ZNF90: variants seen among roughly 807,000 people sequenced by gnomAD.
ZNF90 encodes zinc finger protein HTF9.
Under a neutral mutation model 12.0 loss-of-function variants are expected in ZNF90, and 11 were observed. The observed-to-expected ratio is 0.92, with a 90% CI of 0.58 to 1.52. The LOEUF is 1.52. ZNF90 is among the 40% of genes most tolerant of loss of function. ZNF90 has a pLI of 0.00. For missense variants in ZNF90, 765 were observed against 711.5 expected (o/e 1.08, Z -0.86); for synonymous variants, 232 against 240.1 (o/e 0.97, Z 0.31).
intron 3 of ZNF90, among the ~76,000 whole-genome samples, chr19:20,110,436 G>A (rs781892732): frequency 5.3e-5 from 8 of 151,948 alleles, no homozygotes; most frequent in Admixed American, 1.3e-4. Flanking sequence ...CCACTACCAT[G>A]CCTAGCTGAT....
At chr19:20,115,487 T>G (rs1281337496) in intron 3 of ZNF90, among the ~76,000 whole-genome samples, 1 of 151,534 alleles carries the variant, frequency 6.6e-6, no homozygotes, top group Non-Finnish European at 1.5e-5. Context: ...TACAGATATT[T>G]TCTTAGTGGT....
chr19:20,109,794 T>C (rs1351164146), intron 3 of ZNF90, among the ~76,000 whole-genome samples: 3 of 151,922 alleles, frequency 2.0e-5, no homozygotes, highest in East Asian at 1.9e-4. Context: ...GGAGTCAAAA[T>C]TGTGCCTCTA....
At chr19:20,108,888 C>G (rs2089062663) in intron 3 of ZNF90, among the ~76,000 whole-genome samples, 2 of 151,766 alleles carry the variant, frequency 1.3e-5, no homozygotes, top group Admixed American at 1.3e-4. Context: ...CCACAACTGG[C>G]TAATTTTTGT....
intron 3 of ZNF90, chr19:20,107,147 A>G: frequency 2.6e-6 from 1 of 385,106 alleles, no homozygotes; most frequent in South Asian, 1.9e-5. Context: ...GGTAACTGAC[A>G]CTGAGTCATT....
intron 1 of ZNF90, among the ~76,000 whole-genome samples, chr19:20,078,947 T>C (rs75146148): frequency 2.6e-5 from 4 of 151,754 alleles, no homozygotes; most frequent in Non-Finnish European, 4.4e-5. Flanking sequence ...TGGTGAAACC[T>C]CTCTCTACTA....
Position 20,120,131 on chromosome 19 carries a change from C to CTT in ZNF90, c.*775_*776dup. On this transcript the variant is annotated 3_prime_UTR_variant, in exon 4 of 4. Transcript: ENST00000418063. ...TACAAGTGTGAAGAATGTGGGAAAA[C>CTT]TTTTTAATCAGTGCATACACCTTAT... 6.6e-6 allele frequency among the ~76,000 whole-genome samples: 1 copy of CTT among 152,246 alleles called. No homozygotes were observed. Among genetic ancestry groups the CTT allele is most frequent in the East Asian group, 1.9e-4 (1 of 5,186 alleles).
chr19:20,113,486 G>A (rs1425089880), intron 3 of ZNF90, among the ~76,000 whole-genome samples: 5 of 150,748 alleles, frequency 3.3e-5, no homozygotes, highest in Admixed American at 1.3e-4. Context: ...GCCACCGCAC[G>A]CAGCTTGTAA....
intron 1 of ZNF90, among the ~76,000 whole-genome samples, chr19:20,102,595 T>C (rs2088998418): frequency 6.6e-6 from 1 of 152,190 alleles, no homozygotes; most frequent in Admixed American, 6.5e-5. Flanking sequence ...TCTTTTTGAG[T>C]GCTCATTTTC....
At chr19:20,113,992 T>G (rs942289981) in intron 3 of ZNF90, among the ~76,000 whole-genome samples, 2 of 152,130 alleles carry the variant, frequency 1.3e-5, no homozygotes, top group Non-Finnish European at 2.9e-5. Context: ...ATAATAAAAT[T>G]TATAATAAAA....
At chr19:20,092,487 G>A (rs2088910390) in intron 1 of ZNF90, among the ~76,000 whole-genome samples, 1 of 152,210 alleles carries the variant, frequency 6.6e-6, no homozygotes, top group Admixed American at 6.5e-5. Flanking sequence ...GGGAGAGCTA[G>A]AATAGGGGCA....
chr19:20,092,938 A>G (rs1474210652), intron 1 of ZNF90, among the ~76,000 whole-genome samples: 3 of 152,216 alleles, frequency 2.0e-5, no homozygotes, highest in Non-Finnish European at 4.4e-5. Context: ...AGGAAAGTAG[A>G]TCATGAGAAA....
chr19:20,096,967 GTTTA>G (rs1555703339), intron 1 of ZNF90, among the ~76,000 whole-genome samples: 2 of 152,194 alleles, frequency 1.3e-5, no homozygotes, highest in Non-Finnish European at 2.9e-5. Flanking sequence ...GATGGGAAAT[GTTTA>G]TTTGTCATTG....
chr19:20,109,625 G>T (rs1436945171), intron 3 of ZNF90, among the ~76,000 whole-genome samples: 29 of 151,894 alleles, frequency 1.9e-4, no homozygotes, highest in Non-Finnish European at 4.4e-5. Context: ...TGTAATCCCA[G>T]GACTTCGGGA....
intron 1 of ZNF90, among the ~76,000 whole-genome samples, chr19:20,086,406 T>C (rs1555702060): frequency 6.6e-6 from 1 of 151,878 alleles, no homozygotes; most frequent in Non-Finnish European, 1.5e-5. Flanking sequence ...GTCTAAATTA[T>C]TGTATTTATA....
chr19:20,092,488 A>T (rs1275860348), intron 1 of ZNF90, among the ~76,000 whole-genome samples: 4 of 152,116 alleles, frequency 2.6e-5, no homozygotes, highest in Non-Finnish European at 4.4e-5. Context: ...GGAGAGCTAG[A>T]ATAGGGGCAG....
At chr19:20,105,905 A>G (rs562515131) in intron 3 of ZNF90, among the ~76,000 whole-genome samples, 1 of 152,250 alleles carries the variant, frequency 6.6e-6, no homozygotes, top group South Asian at 2.1e-4. Flanking sequence ...TCTGTGAAAA[A>G]GATACCACTG....
chr19:20,105,266 GA>G lies in ZNF90; in HGVS notation c.183del (p.Lys61AsnfsTer5), dbSNP rs782512219. 2 of 1,607,164 alleles carry G rather than the reference GA, an allele frequency of 1.2e-6. No homozygotes were observed. Among genetic ancestry groups the G allele is most frequent in the East Asian group, 2.2e-5 (1 of 44,590 alleles). ...GACCTGATCACCTGTCTGGAGCAAG[GA>G]AAAAAACCCTTCACTGTGAAGAGAC... ...KPDLITCLEQ[G>X]KKPFTVKRHE... is the part of the protein sequence containing the mutation. On this transcript the variant is annotated frameshift_variant, in exon 3 of 4. Transcript: ENST00000418063. LOFTEE classifies it low-confidence loss of function (END_TRUNC).
intron 3 of ZNF90, among the ~76,000 whole-genome samples, chr19:20,108,785 G>T (rs1210846945): frequency 7.5e-6 from 1 of 134,092 alleles, no homozygotes. Context: ...AGGTTAAAGT[G>T]CAGTGGCACA....
intron 1 of ZNF90, among the ~76,000 whole-genome samples, chr19:20,082,072 T>C (rs931901452): frequency 1.3e-5 from 2 of 152,124 alleles, no homozygotes; most frequent in African/African-American, 4.8e-5. Context: ...CCTGTTTTTT[T>C]TTCTTGTAGC....
Sources: allele counts gnomAD v4.1 joint callset (sites outside exome capture counted in the v4.1 genomes callset), GRCh38; gene constraint gnomAD v4.1.1; transcripts MANE v1.5; gene names NCBI Gene and HGNC (gene_info 2026-07-23, HGNC 2026-07-21).